The following DENND3 variants were observed in gnomAD, a reference collection of about 807,000 sequenced individuals.
The protein encoded by DENND3 is DENN domain containing 3.
In DENND3, 88 loss-of-function variants were observed where a neutral mutation model predicts 135.1. The observed-to-expected ratio is 0.65, with a 90% confidence interval of 0.55 to 0.78. The LOEUF (loss-of-function observed/expected upper bound fraction) is 0.78, where lower values mean the gene tolerates loss of function less well. DENND3 is among the 30% of genes least tolerant of loss of function. The probability of loss-of-function intolerance (pLI) is 0.00; values close to 1 mark genes in which losing one functional copy is unlikely to be tolerated. For missense variants in DENND3, 1,392 were observed against 1,688.4 expected (o/e 0.82, Z 3.08); for synonymous variants, 693 against 712.3 (o/e 0.97, Z 0.43).
rs1818191778 is a variant in DENND3, at chr8:141,146,724, G to A, written c.735+2465G>A. 6.6e-6 allele frequency among the ~76,000 whole-genome samples: 1 copy of A among 152,178 alleles called. No homozygotes were observed. On this transcript the variant is annotated intron_variant, in intron 5 of 22. Coordinates refer to ENST00000519811, the MANE Select transcript of DENND3 (RefSeq NM_001352890.3). This position sits in a 1 kb window ranked among gnomAD's most constrained non-coding sequence, Gnocchi z 4.3. ...TGGAAAATCCTGCCGGTGCATTCCA[G>A]TCCAGATACGCAGCAGGCCACCCGT...
chr8:141,178,638 G>T (rs2154613372), intron 16 of DENND3, among the ~76,000 whole-genome samples: 1 of 152,326 alleles, frequency 6.6e-6, no homozygotes, highest in Non-Finnish European at 1.5e-5. Context: ...CGTCTACACA[G>T]CTGGCCTGTT....
intron 6 of DENND3, among the ~76,000 whole-genome samples, chr8:141,151,223 G>T (rs1041914999): frequency 1.3e-5 from 2 of 152,216 alleles, no homozygotes; most frequent in Non-Finnish European, 2.9e-5. Flanking sequence ...GTTTGGTTGG[G>T]TGGTGTGTTT....
intron 1 of DENND3, among the ~76,000 whole-genome samples, chr8:141,133,629 A>G (rs2154612660): frequency 6.6e-6 from 1 of 152,102 alleles, no homozygotes; most frequent in East Asian, 1.9e-4. Flanking sequence ...TGGTGTGGAA[A>G]CATGGTGCAG....
chr8:141,172,747 C>T (rs1407979269), intron 13 of DENND3, among the ~76,000 whole-genome samples: 1 of 152,136 alleles, frequency 6.6e-6, no homozygotes, highest in East Asian at 1.9e-4. Context: ...GTAACAAGTG[C>T]TTCTGCCTTA....
intron 16 of DENND3, 87 bp from the exon 17 acceptor site, chr8:141,180,660 T>A (rs1354716845): frequency 1.6e-5 from 20 of 1,226,624 alleles, no homozygotes; most frequent in Non-Finnish European, 2.3e-5. Context: ...GCTGATATTC[T>A]GCAGAAATCA....
chr8:141,136,564 T>C lies in DENND3; in HGVS notation c.158T>C (p.Leu53Pro). 6.4e-7 allele frequency: 1 copy of C among 1,564,548 alleles called. No individual in the cohort carries two copies. The highest frequency in any genetic ancestry group is 8.7e-7 in the Non-Finnish European group (1 of 1,154,134). Reference protein sequence around the residue: ...HLSALLDPEVLSIFVPPFISK... With the variant: ...HLSALLDPEVPSIFVPPFISK... Reference sequence around the variant, plus strand: ...TCTGCTCTTCTTGATCCAGAGGTCCTGTCCATTTTCGTGCCTCCTTTTATC... The same window carrying C: ...TCTGCTCTTCTTGATCCAGAGGTCCCGTCCATTTTCGTGCCTCCTTTTATC... The change falls in exon 2 of 23, where the codon CTG becomes CCG. Residue 53 changes from leucine to proline, a missense_variant. Leu to Pro is a moderately conservative substitution (Grantham distance 98). Coordinates refer to ENST00000519811, the MANE Select transcript of DENND3 (RefSeq NM_001352890.3).
intron 22 of DENND3, chr8:141,193,032 A>T (rs1824986098): frequency 1.7e-6 from 1 of 583,112 alleles, no homozygotes; most frequent in Non-Finnish European, 2.5e-6. Context: ...CCACCCGCTC[A>T]TGTGGCCGCC....
rs1264376875 is a variant in DENND3 at position 141,195,035 on chromosome 8, T to G, written c.*802T>G. The stretch of plus-strand genomic sequence containing the variant: ...GTGATCTCGTCTTCCAGCGTGCCGC[T>G]CAGTTCCCCGAATCCGTGTGCACAC... On this transcript the variant is annotated 3_prime_UTR_variant, in exon 23 of 23. Transcript: ENST00000519811. The G allele has an allele frequency of 6.6e-6, 1 of 152,216 alleles. No homozygotes were observed. Among genetic ancestry groups the G allele is most frequent in the East Asian group, 1.9e-4 (1 of 5,196 alleles). 9.4% of individuals were successfully genotyped at this position (152,216 alleles called of 1,614,324 possible). A position where few individuals can be genotyped will look rare whatever the true frequency, so the allele number is the denominator to read the frequency against.
chr8:141,139,464 C>T lies in DENND3; in HGVS notation c.501+1327C>T, dbSNP rs1288987480. ...AGCAGAACCAAGGTCAGCTCTCGGG[C>T]GGTGCATGCAGGGGACCAGCGTCCG... On this transcript the variant is annotated intron_variant, in intron 3 of 22. Transcript: ENST00000519811. This position sits in a 1 kb window ranked among gnomAD's most constrained non-coding sequence, Gnocchi z 4.2. 6.6e-6 allele frequency among the ~76,000 whole-genome samples: 1 copy of T among 152,116 alleles called. No individual in the cohort carries two copies. The highest frequency in any genetic ancestry group is 6.5e-5 in the Admixed American group (1 of 15,276).
chr8:141,160,835 CCATCCATTCTAT>C (rs1177130915), intron 9 of DENND3, 48 bp downstream of exon 9: 2 of 1,578,166 alleles, frequency 1.3e-6, no homozygotes, highest in Non-Finnish European at 1.7e-6. Flanking sequence ...AACCAGCCAG[CCATCCATTCTAT>C]GGGGATCGTG....
In DENND3 at chr8:141,139,057, T is replaced by C. The variant is rs1817138858; in HGVS notation, c.501+920T>C. ...TTTGGGGAACTCGTAGGGGAAACGA[T>C]GTATCCAAAGGTGCAGGGTGACCTG... is the stretch of plus-strand genomic sequence containing the variant. On this transcript the variant is annotated intron_variant, in intron 3 of 22. Transcript: ENST00000519811. The surrounding 1 kb of genome is among the most constrained non-coding windows in gnomAD (Gnocchi z 4.2). 6.6e-6 allele frequency among the ~76,000 whole-genome samples: 1 copy of C among 152,234 alleles called. No individual in the cohort carries two copies. Among genetic ancestry groups the C allele is most frequent in the African/African-American group, 2.4e-5 (1 of 41,532 alleles).
chr8:141,140,538 C>T (rs1003669466), intron 3 of DENND3, among the ~76,000 whole-genome samples: 1 of 152,094 alleles, frequency 6.6e-6, no homozygotes, highest in African/African-American at 2.4e-5. Flanking sequence ...GTAGACTGAC[C>T]CTAGAAAAGT....
chr8:141,175,490 C>G lies in DENND3; in HGVS notation c.2535+31C>G. On this transcript the variant is annotated intron_variant, in intron 14 of 22. Transcript: ENST00000519811. The surrounding 1 kb of genome is among the most constrained non-coding windows in gnomAD (Gnocchi z 5.4). ...GACAGCACAGGCAGACGGCGCCAGA[C>G]CCCACCTGTGTTTAGGAGACAGATG... is the stretch of plus-strand genomic sequence containing the variant. 6.2e-7 allele frequency: 1 copy of G among 1,613,674 alleles called. No homozygotes were observed. The highest frequency in any genetic ancestry group is 1.3e-5 in the African/African-American group (1 of 75,048).
intron 16 of DENND3, among the ~76,000 whole-genome samples, chr8:141,180,122 C>T (rs547653213): frequency 3.3e-5 from 5 of 152,286 alleles, no homozygotes; most frequent in East Asian, 3.9e-4. Context: ...TGGTTTTGAA[C>T]GGGGGGCGAT....
intron 11 of DENND3, among the ~76,000 whole-genome samples, chr8:141,165,495 GC>G (rs1159073975): frequency 2.8e-5 from 4 of 144,750 alleles, no homozygotes; most frequent in African/African-American, 1.0e-4. Context: ...ACGGAGTCTC[GC>G]TCTTGTTGCC....
At chr8:141,157,568 A>G in intron 8 of DENND3, 1 of 985,876 alleles carries the variant, frequency 1.0e-6, no homozygotes, top group Non-Finnish European at 1.2e-6. Context: ...CCTGTGATGC[A>G]GTCTGGATTT....
chr8:141,188,724 G>A (rs982863780), intron 18 of DENND3: 1 of 430,174 alleles, frequency 2.3e-6, no homozygotes, highest in East Asian at 4.5e-5. Flanking sequence ...GACAGTGCTG[G>A]CGGCCGTGGG....
At chr8:141,192,758 G>A in intron 22 of DENND3, 95 bp downstream of exon 22, 10 of 1,605,156 alleles carry the variant, frequency 6.2e-6, no homozygotes, top group Non-Finnish European at 8.5e-6. Flanking sequence ...GCACGCCCTC[G>A]TGCCCTCCTG....
intron 2 of DENND3, among the ~76,000 whole-genome samples, 194 bp downstream of exon 2, chr8:141,136,985 T>C (rs1816863220): frequency 1.3e-5 from 2 of 152,152 alleles, no homozygotes; most frequent in South Asian, 4.1e-4. Flanking sequence ...TTTATTTATT[T>C]ATTTACTTTT....
Sources: gnomAD v4.1 joint callset for allele counts (sites outside exome capture counted in the v4.1 genomes callset) on GRCh38, gnomAD v4.1.1 for gene constraint, Gnocchi (gnomAD v3.1) non-coding constraint, MANE v1.5 for transcripts, NCBI Gene and HGNC (gene_info 2026-07-23, HGNC 2026-07-21) for gene names.